The following BTD variants were observed in gnomAD, a reference collection of about 807,000 sequenced individuals.
BTD encodes biotinidase, also known as biocytinase.
BTD carries 13 observed loss-of-function variants against 17.7 expected under a neutral mutation model. The observed-to-expected ratio is 0.74, with a 90% CI of 0.48 to 1.17. The LOEUF (loss-of-function observed/expected upper bound fraction) is 1.17. Among genes scored for constraint, BTD ranks in the 50% most tolerant of loss-of-function variants. BTD has a pLI of 0.00. For missense variants in BTD, 674 were observed against 650.4 expected, an observed-to-expected ratio of 1.04 and a Z score of -0.39; for synonymous variants, 240 against 245.2, an observed-to-expected ratio of 0.98 and a Z score of 0.20.
chr3:15,656,394 G>A (rs1417381286), downstream of BTD, among the ~76,000 whole-genome samples: 1 of 152,064 alleles, frequency 6.6e-6, no homozygotes, highest in African/African-American at 2.4e-5. Flanking sequence ...ATATTTCCAA[G>A]TAGCCAGTCA....
chr3:15,620,404 C>G (rs781314154), intron 1 of BTD, among the ~76,000 whole-genome samples: 15 of 152,208 alleles, frequency 9.9e-5, no homozygotes, highest in Non-Finnish European at 1.5e-4. Context: ...ATGTTTCCTA[C>G]TTGCACATCC....
At chr3:15,638,527 G>T (rs377702552) in intron 2 of BTD, among the ~76,000 whole-genome samples, 6 of 152,210 alleles carry the variant, frequency 3.9e-5, no homozygotes, top group African/African-American at 1.4e-4. Flanking sequence ...ATATGTACAG[G>T]GTATTAAGCA....
In BTD at chr3:15,624,627, GT is replaced by G. The variant is rs76866577; in HGVS notation, c.-16-10787del. The stretch of plus-strand genomic sequence containing the variant: ...CATCTGTTCTTGCATGTTGGCTGTT[GT>G]TTTTTTTTTCAGTAGAGCCTGTGGC... On this transcript the variant is annotated intron_variant, in intron 1 of 3. Transcript: ENST00000643237. 4.2e-3 allele frequency among the ~76,000 whole-genome samples: 597 copies of G among 142,390 alleles called. 1 individual carries two copies. The highest frequency in any genetic ancestry group is 0.029 in the Middle Eastern group (8 of 274). The allele number at this position is 142,390 out of a possible 152,430, so 93.4% of individuals were successfully genotyped here.
At chr3:15,670,521 C>T in intron 3 of BTD, 1 of 1,613,848 alleles carries the variant, frequency 6.2e-7, no homozygotes, top group Non-Finnish European at 8.5e-7. Flanking sequence ...TCAGCCACAT[C>T]CTTATTGGGA....
At chr3:15,679,714 G>C (rs2067320095) in intron 3 of BTD, among the ~76,000 whole-genome samples, 1 of 152,124 alleles carries the variant, frequency 6.6e-6, no homozygotes, top group Admixed American at 6.5e-5. Context: ...ATTGGTAGCT[G>C]TTAAGCCACC....
At chr3:15,666,202 G>A (rs2065986416) in intron 3 of BTD, among the ~76,000 whole-genome samples, 1 of 152,078 alleles carries the variant, frequency 6.6e-6, no homozygotes, top group Admixed American at 6.5e-5. Flanking sequence ...AATAATCTAG[G>A]AGAATAAAAT....
chr3:15,713,405 C>T (rs994098392), downstream of BTD: 3 of 702,902 alleles, frequency 4.3e-6, no homozygotes, highest in Non-Finnish European at 7.1e-6. Context: ...AAAGAAAGTT[C>T]AAGCAATTAA....
intron 1 of BTD, among the ~76,000 whole-genome samples, chr3:15,621,334 T>G (rs1467708860): frequency 6.6e-6 from 1 of 152,228 alleles, no homozygotes; most frequent in Non-Finnish European, 1.5e-5. Flanking sequence ...GTTTCAGTAT[T>G]GGGGTAATGC....
At chr3:15,676,023 G>GTA in intron 3 of BTD, 1 of 1,559,392 alleles carries the variant, frequency 6.4e-7, no homozygotes, top group Non-Finnish European at 8.8e-7. Flanking sequence ...GTACACATAT[G>GTA]TGCATGTGCA....
At chr3:15,624,908 TTTTTAGTAAAGACA>T (rs1373682030) in intron 1 of BTD, among the ~76,000 whole-genome samples, 2 of 152,182 alleles carry the variant, frequency 1.3e-5, no homozygotes, top group African/African-American at 2.4e-5. Context: ...AATTTTTGTA[TTTTTAGTAAAGACA>T]GGGTTTTGCC....
At chr3:15,721,545 T>A (rs1201258285) in intron 4 of BTD, among the ~76,000 whole-genome samples, 1 of 152,172 alleles carries the variant, frequency 6.6e-6, no homozygotes, top group Non-Finnish European at 1.5e-5. Flanking sequence ...ATCTTTTTCA[T>A]TTTGCAGTGA....
At chr3:15,627,579 T>C (rs1410950582) in intron 1 of BTD, among the ~76,000 whole-genome samples, 2 of 152,234 alleles carry the variant, frequency 1.3e-5, no homozygotes, top group Non-Finnish European at 2.9e-5. Flanking sequence ...TCTTGGCCTC[T>C]GCATGAGAGA....
intron 3 of BTD, among the ~76,000 whole-genome samples, chr3:15,678,909 G>C (rs958070402): frequency 6.6e-6 from 1 of 152,044 alleles, no homozygotes. Context: ...TTTTAATAAT[G>C]GGTTTTCTGT....
Position 15,702,007 on chromosome 3 carries a change from G to C in BTD, c.400-8053G>C, listed in dbSNP as rs147074807. ...AACAGAAATGGGTCTTCCTTACTGA[G>C]ACCTGAATACAAAACTTATTCTAAT... On this transcript the variant is annotated intron_variant, in intron 3 of 3. Coordinates refer to the BTD transcript ENST00000672141. Among the ~76,000 whole-genome samples the C allele has an allele frequency of 1.7e-3, 257 of 152,272 alleles. 2 individuals are homozygous for C. The highest frequency in any genetic ancestry group is 6.1e-3 in the African/African-American group (255 of 41,546).
In BTD at chr3:15,645,341, C is replaced by A. The variant is rs780182371; in HGVS notation, c.1425C>A (p.Ile475=). Reference sequence around the variant, plus strand: ...GGGGCAACTTCAGTACTTCCTATATCTTTCCTTTGTTTCTGACCTCAGGGA... The same window carrying A: ...GGGGCAACTTCAGTACTTCCTATATATTTCCTTTGTTTCTGACCTCAGGGA... The part of the protein sequence containing the change: ...HLWGNFSTSY[I]FPLFLTSGMT... The change falls in exon 4 of 4, where the codon ATC becomes ATA. Residue 475 remains isoleucine, a synonymous_variant. Transcript: ENST00000643237. 14 of 1,614,106 alleles carry A rather than the reference C, an allele frequency of 8.7e-6. No homozygotes were observed. In the East Asian group the frequency reaches 2.0e-4, roughly 23 times the overall value.
At chr3:15,695,680 T>C (rs550944926) in intron 3 of BTD, among the ~76,000 whole-genome samples, 20 of 152,222 alleles carry the variant, frequency 1.3e-4, no homozygotes, top group Middle Eastern at 3.4e-3. Context: ...TATTCCAGAA[T>C]CAGACCACAG....
Position 15,644,528 on chromosome 3 carries a change from T to A in BTD, c.612T>A (p.Pro204=). 1 of 1,614,180 alleles carries A rather than the reference T, an allele frequency of 6.2e-7. No individual in the cohort carries two copies. The highest frequency in any genetic ancestry group is 8.5e-7 in the Non-Finnish European group (1 of 1,180,034). The change falls in exon 4 of 4, where the codon CCT becomes CCA. Residue 204 remains proline, a synonymous_variant. Coordinates refer to ENST00000643237, the MANE Select transcript of BTD (RefSeq NM_001370658.1). ...NLYFEAAFDV[P]LKVDLITFDT... ...ACTTTGAGGCAGCATTCGATGTTCCTCTTAAAGTGGATCTCATCACCTTTG... is the reference window on the plus strand; with the variant it reads ...ACTTTGAGGCAGCATTCGATGTTCCACTTAAAGTGGATCTCATCACCTTTG...
intron 3 of BTD, among the ~76,000 whole-genome samples, chr3:15,693,765 A>T (rs2069140340): frequency 6.6e-6 from 1 of 152,200 alleles, no homozygotes; most frequent in Non-Finnish European, 1.5e-5. Flanking sequence ...AGGGCAAAGA[A>T]GTAGAAAGCT....
In BTD at chr3:15,649,422, A is replaced by T. The variant is rs2065764266; in HGVS notation, c.*3934A>T. ...GAGACAGAGGGTGTTAGATGCCCAG[A>T]GGTGAACCTCATTGGGTACCATCCT... On this transcript the variant is annotated 3_prime_UTR_variant, in exon 4 of 4. Coordinates refer to ENST00000643237, the MANE Select transcript of BTD (RefSeq NM_001370658.1). Among the ~76,000 whole-genome samples the T allele has an allele frequency of 6.6e-6, 1 of 152,218 alleles. No individual in the cohort carries two copies. Among genetic ancestry groups the T allele is most frequent in the South Asian group, 2.1e-4 (1 of 4,828 alleles).
Sources: allele counts gnomAD v4.1 joint callset (sites outside exome capture counted in the v4.1 genomes callset), GRCh38; gene constraint gnomAD v4.1.1; transcripts MANE v1.5; gene names NCBI Gene and HGNC (gene_info 2026-07-23, HGNC 2026-07-21).